Variants in CORIN observed in about 807,000 individuals in gnomAD.
CORIN encodes the protein corin, serine peptidase.
In CORIN, 117 loss-of-function variants were observed where a neutral mutation model predicts 125.3. The observed-to-expected ratio is 0.93, with a 90% confidence interval of 0.80 to 1.09. CORIN has a LOEUF of 1.09. CORIN is among the 50% of genes least tolerant of loss of function. The probability of loss-of-function intolerance (pLI) is 0.00; values close to 1 mark genes in which losing one functional copy is unlikely to be tolerated. For missense variants in CORIN, 1,253 were observed against 1,306.7 expected (o/e 0.96, Z 0.63); for synonymous variants, 450 against 466.4 (o/e 0.96, Z 0.45).
chr4:47,596,020 A>G, intron 21 of CORIN, 117 bp from the exon 22 acceptor site: 1 of 724,082 alleles, frequency 1.4e-6, no homozygotes, highest in Non-Finnish European at 2.1e-6. Flanking sequence ...GAAAGTTTCA[A>G]CAAAGCTTTC....
chr4:47,790,908 G>A (rs1385113630), intron 2 of CORIN, among the ~76,000 whole-genome samples: 1 of 149,094 alleles, frequency 6.7e-6, no homozygotes, highest in Non-Finnish European at 1.5e-5. Flanking sequence ...CAGCTCTATA[G>A]CCAAAAAAAA....
rs1404889199 is a variant in CORIN at position 47,753,344 on chromosome 4, G to A, written c.618-8761C>T. ...CTGATGAGGGTCTGTTTTCAGCTGT[G>A]CACATATTGTCTTGTTAAACATCTT... On this transcript the variant is annotated intron_variant, in intron 4 of 21. Transcript: ENST00000273857. 1.1e-4 allele frequency among the ~76,000 whole-genome samples: 17 copies of A among 152,184 alleles called. 1 individual carries two copies. Among genetic ancestry groups the A allele is most frequent in the Admixed American group, 1.1e-3 (17 of 15,274 alleles).
At chr4:47,688,415 A>G (rs1725618128) in intron 6 of CORIN, among the ~76,000 whole-genome samples, 1 of 152,246 alleles carries the variant, frequency 6.6e-6, no homozygotes, top group African/African-American at 2.4e-5. Flanking sequence ...AGCCTGGGCA[A>G]CATGGCAAAA....
chr4:47,741,037 T>C (rs986966807), intron 5 of CORIN, among the ~76,000 whole-genome samples: 2 of 152,074 alleles, frequency 1.3e-5, no homozygotes, highest in African/African-American at 2.4e-5. Context: ...AGTCACCTTG[T>C]ATTAGCCAAT....
intron 3 of CORIN, among the ~76,000 whole-genome samples, chr4:47,782,990 T>C (rs1439779632): frequency 6.6e-6 from 1 of 151,870 alleles, no homozygotes; most frequent in Non-Finnish European, 1.5e-5. Context: ...AAATAGAAGA[T>C]TCAGGATCCG....
chr4:47,774,756 T>C (rs1386228495), intron 3 of CORIN, among the ~76,000 whole-genome samples: 1 of 152,192 alleles, frequency 6.6e-6, no homozygotes, highest in African/African-American at 2.4e-5. Context: ...GCTTCTTCTA[T>C]AAAAGCAGCA....
chr4:47,792,648 TA>T (rs1443374994), intron 2 of CORIN, among the ~76,000 whole-genome samples: 1 of 152,236 alleles, frequency 6.6e-6, no homozygotes, highest in Non-Finnish European at 1.5e-5. Flanking sequence ...TCTCTCCTTC[TA>T]CTGGGGCATA....
At position 47,837,959 on chromosome 4, in the gene CORIN, G is replaced by A. The variant is rs1047529348; in HGVS notation, c.-10C>T. ...CAGGAGACTGTTTCATGGATAAAAA[G>A]TCTCGCTTATTCTTCTGTCCACTTT... On this transcript the variant is annotated 5_prime_UTR_variant, in exon 1 of 22. Transcript: ENST00000273857. 1 of 1,611,786 alleles carries A rather than the reference G, an allele frequency of 6.2e-7. No individual in the cohort carries two copies. Among genetic ancestry groups the A allele is most frequent in the Non-Finnish European group, 8.5e-7 (1 of 1,180,018 alleles).
intron 19 of CORIN, among the ~76,000 whole-genome samples, chr4:47,617,266 CAG>C (rs1220402017): frequency 6.6e-6 from 1 of 152,174 alleles, no homozygotes; most frequent in Non-Finnish European, 1.5e-5. Context: ...TATGTGACCT[CAG>C]TTAGCAGACA....
rs1191487551 is a variant in CORIN at position 47,647,751 on chromosome 4, G to A, written c.1844-2557C>T. Among the ~76,000 whole-genome samples the A allele has an allele frequency of 3.9e-5, 6 of 152,154 alleles. No individual in the cohort carries two copies. In the East Asian group the frequency reaches 7.7e-4, roughly 20 times the overall value. On this transcript the variant is annotated intron_variant, in intron 13 of 21. Coordinates refer to ENST00000273857, the MANE Select transcript of CORIN (RefSeq NM_006587.4). Reference sequence around the variant, plus strand: ...TCAGTTGCAGTCCTTTGTAAGATGCGAACATGAAGTATGCGTAAGGGGTAG... The same window carrying A: ...TCAGTTGCAGTCCTTTGTAAGATGCAAACATGAAGTATGCGTAAGGGGTAG...
chr4:47,822,872 G>A (rs935581681), intron 1 of CORIN, among the ~76,000 whole-genome samples: 14 of 150,926 alleles, frequency 9.3e-5, no homozygotes, highest in Non-Finnish European at 1.8e-4. Context: ...CTGGAGTGCA[G>A]TGGTGCGATA....
At chr4:47,641,320 A>G (rs1000014755) in intron 16 of CORIN, among the ~76,000 whole-genome samples, 7 of 152,202 alleles carry the variant, frequency 4.6e-5, no homozygotes, top group Non-Finnish European at 7.3e-5. Context: ...TACACATTCT[A>G]AGACCCTGAA....
intron 11 of CORIN, among the ~76,000 whole-genome samples, chr4:47,663,263 C>T (rs1724331907): frequency 6.6e-6 from 1 of 152,082 alleles, no homozygotes; most frequent in Non-Finnish European, 1.5e-5. Flanking sequence ...TACGCTACAG[C>T]ATAACAATCC....
intron 1 of CORIN, among the ~76,000 whole-genome samples, chr4:47,817,324 A>T (rs1475057854): frequency 1.3e-5 from 2 of 151,154 alleles, no homozygotes; most frequent in Non-Finnish European, 2.9e-5. Flanking sequence ...TATAACTAAC[A>T]TATACTACTC....
Position 47,643,133 on chromosome 4 carries a change from A to C in CORIN, c.2068+13T>G. 6.2e-7 allele frequency: 1 copy of C among 1,614,112 alleles called. No individual in the cohort carries two copies. The highest frequency in any genetic ancestry group is 8.5e-7 in the Non-Finnish European group (1 of 1,180,006). On this transcript the variant is annotated intron_variant, in intron 15 of 21. Transcript: ENST00000273857. ...TGAGAGAGTACAACAGATGGCAGAA[A>C]CAAGTAGCTCACCACAGTCCCATTC... is the stretch of plus-strand genomic sequence containing the variant.
intron 9 of CORIN, among the ~76,000 whole-genome samples, chr4:47,677,568 A>C (rs1247137822): frequency 6.6e-6 from 1 of 152,162 alleles, no homozygotes; most frequent in Non-Finnish European, 1.5e-5. Context: ...GAACATGATT[A>C]TTTTAGGAAG....
chr4:47,774,847 C>G (rs1272081990), intron 3 of CORIN, among the ~76,000 whole-genome samples: 1 of 152,104 alleles, frequency 6.6e-6, no homozygotes, highest in East Asian at 1.9e-4. Context: ...GTAAAATAAG[C>G]CAGTCACAAA....
intron 5 of CORIN, among the ~76,000 whole-genome samples, chr4:47,705,637 G>T (rs568713759): frequency 5.3e-5 from 8 of 152,262 alleles, no homozygotes; most frequent in African/African-American, 1.9e-4. Flanking sequence ...GTTGATTTTT[G>T]TTAAAATAAT....
intron 11 of CORIN, among the ~76,000 whole-genome samples, chr4:47,662,671 TA>T (rs1217546453): frequency 2.0e-5 from 3 of 152,242 alleles, no homozygotes; most frequent in East Asian, 1.9e-4. Context: ...AATATACTCT[TA>T]ATGGACTCAA....
Sources: allele counts gnomAD v4.1 joint callset (sites outside exome capture counted in the v4.1 genomes callset), GRCh38; gene constraint gnomAD v4.1.1; transcripts MANE v1.5; gene names NCBI Gene and HGNC (gene_info 2026-07-23, HGNC 2026-07-21).